TBC1D22A: variants seen among roughly 807,000 people sequenced by gnomAD.
TBC1D22A encodes TBC1 domain family member 22A, also known as putative GTPase activator.
A neutral mutation model predicts 60.2 loss-of-function variants in TBC1D22A; 38 were observed. That is an observed-to-expected ratio of 0.63 (90% CI 0.49 to 0.83). The LOEUF (loss-of-function observed/expected upper bound fraction) is 0.83. Among genes scored for constraint, TBC1D22A ranks in the 40% least tolerant of loss-of-function variants. TBC1D22A has a pLI of 0.00. For missense variants in TBC1D22A, 628 were observed against 701.0 expected (o/e 0.90, Z 1.18); for synonymous variants, 302 against 281.7 (o/e 1.07, Z -0.72).
chr22:46,818,010 G>A (rs2085675620), intron 4 of TBC1D22A, among the ~76,000 whole-genome samples: 1 of 152,218 alleles, frequency 6.6e-6, no homozygotes, highest in Non-Finnish European at 1.5e-5. Context: ...GATGATCAGT[G>A]ATGTTGAGCT....
intron 9 of TBC1D22A, among the ~76,000 whole-genome samples, chr22:46,985,170 G>A (rs1465616110): frequency 1.3e-5 from 2 of 152,210 alleles, no homozygotes; most frequent in Non-Finnish European, 2.9e-5. Context: ...GAGAGAAAGC[G>A]CACTCCAGCT....
intron 4 of TBC1D22A, among the ~76,000 whole-genome samples, chr22:46,808,893 C>T (rs1330605457): frequency 6.6e-6 from 1 of 152,224 alleles, no homozygotes; most frequent in African/African-American, 2.4e-5. Context: ...CGTGCCCGGC[C>T]TTCGCCAGCT....
Position 46,797,480 on chromosome 22 carries a change from A to G in TBC1D22A, c.497A>G (p.Gln166Arg). ...GATGCCGCCCCTCTGCAGAGGTCCC[A>G]GTCTCTCCCACACTCGGCCACCGTC... ...ASDAAPLQRS[Q>R]SLPHSATVTL... The change falls in exon 4 of 13, where the codon CAG becomes CGG. Residue 166 changes from glutamine to arginine, a missense_variant. Gln to Arg is a conservative substitution (Grantham distance 43). Transcript: ENST00000337137. 1.2e-6 allele frequency: 2 copies of G among 1,613,424 alleles called. No homozygotes were observed. The highest frequency in any genetic ancestry group is 1.7e-6 in the Non-Finnish European group (2 of 1,179,956).
chr22:46,956,756 G>C (rs757980878), intron 8 of TBC1D22A, among the ~76,000 whole-genome samples: 1 of 152,240 alleles, frequency 6.6e-6, no homozygotes, highest in East Asian at 1.9e-4. Flanking sequence ...TGAGATGGCC[G>C]AGGGGTGTGA....
intron 8 of TBC1D22A, among the ~76,000 whole-genome samples, chr22:46,919,042 A>C (rs985903875): frequency 1.3e-5 from 2 of 152,166 alleles, no homozygotes; most frequent in East Asian, 3.9e-4. Context: ...TAGAGTGTAA[A>C]GTTGAAAGAT....
chr22:47,112,524 C>A (rs776481779), intron 12 of TBC1D22A, among the ~76,000 whole-genome samples: 2 of 152,200 alleles, frequency 1.3e-5, no homozygotes, highest in Non-Finnish European at 2.9e-5. Flanking sequence ...TCCAAGCATC[C>A]CTATTCCTTC....
At chr22:47,161,135 C>G (rs1323703594) in intron 12 of TBC1D22A, among the ~76,000 whole-genome samples, 1 of 152,134 alleles carries the variant, frequency 6.6e-6, no homozygotes, top group African/African-American at 2.4e-5. Context: ...GGGAGCACTG[C>G]CAGGAGAAAC....
intron 4 of TBC1D22A, among the ~76,000 whole-genome samples, chr22:46,838,409 C>A (rs1220444401): frequency 6.6e-6 from 1 of 152,120 alleles, no homozygotes; most frequent in Non-Finnish European, 1.5e-5. Context: ...GAGATTGAAT[C>A]AGTAATCGGA....
chr22:47,094,087 G>T (rs899301872), intron 11 of TBC1D22A, among the ~76,000 whole-genome samples: 5 of 152,182 alleles, frequency 3.3e-5, no homozygotes, highest in African/African-American at 9.7e-5. Context: ...TAGCTGTCTG[G>T]ATGCTATAAG....
intron 4 of TBC1D22A, among the ~76,000 whole-genome samples, chr22:46,843,773 C>T (rs1478702813): frequency 6.6e-6 from 1 of 151,964 alleles, no homozygotes; most frequent in East Asian, 1.9e-4. Context: ...GTGAAGGAGG[C>T]CAAGCTTTTC....
intron 10 of TBC1D22A, among the ~76,000 whole-genome samples, chr22:47,031,851 TC>T (rs1183329526): frequency 3.3e-5 from 5 of 152,152 alleles, no homozygotes; most frequent in Non-Finnish European, 5.9e-5. Flanking sequence ...CTCCTTCTCC[TC>T]AAGTCAGCGT....
At chr22:46,855,182 G>C (rs1295912176) in intron 4 of TBC1D22A, among the ~76,000 whole-genome samples, 1 of 152,156 alleles carries the variant, frequency 6.6e-6, no homozygotes, top group Non-Finnish European at 1.5e-5. Context: ...GTTTATCCCT[G>C]CTGTCCTGGG....
chr22:47,021,232 A>G (rs2062075352), intron 10 of TBC1D22A, among the ~76,000 whole-genome samples: 1 of 143,542 alleles, frequency 7.0e-6, no homozygotes, highest in South Asian at 2.2e-4. Context: ...GCAGAACCCT[A>G]CCTGTAGCCT....
chr22:47,047,499 A>T (rs1045189155), intron 11 of TBC1D22A, among the ~76,000 whole-genome samples: 2 of 152,172 alleles, frequency 1.3e-5, no homozygotes, highest in Non-Finnish European at 2.9e-5. Context: ...GGTTGCTGGA[A>T]ATAGATGGAG....
chr22:46,890,032 C>T (rs1164315890), intron 5 of TBC1D22A, among the ~76,000 whole-genome samples: 1 of 152,142 alleles, frequency 6.6e-6, no homozygotes, highest in African/African-American at 2.4e-5. Flanking sequence ...GCAGATTCAA[C>T]CAACTGTGCT....
chr22:47,026,107 T>C (rs2062249274), intron 10 of TBC1D22A, among the ~76,000 whole-genome samples: 1 of 152,218 alleles, frequency 6.6e-6, no homozygotes, highest in Admixed American at 6.5e-5. Flanking sequence ...TATTAACATA[T>C]TTAAAAAGAA....
At chr22:46,822,147 A>G (rs2085857833) in intron 4 of TBC1D22A, among the ~76,000 whole-genome samples, 1 of 151,814 alleles carries the variant, frequency 6.6e-6, no homozygotes, top group Non-Finnish European at 1.5e-5. Flanking sequence ...CTCACCTTTT[A>G]TCAAGGTTCT....
intron 5 of TBC1D22A, among the ~76,000 whole-genome samples, chr22:46,878,998 C>T (rs1302848663): frequency 6.6e-6 from 1 of 151,992 alleles, no homozygotes; most frequent in Non-Finnish European, 1.5e-5. Context: ...ATGTTCCAGC[C>T]TGTGATATAG....
At position 46,941,640 on chromosome 22, in the gene TBC1D22A, A is replaced by G. The variant is rs371760348; in HGVS notation, c.1015+29452A>G. ...ATATATACGGAATATATATACGCGG[A>G]ATATATATACGGAATATATATACGC... On this transcript the variant is annotated intron_variant, in intron 8 of 12. Transcript: ENST00000337137. Among the ~76,000 whole-genome samples, 15 of 148,082 alleles carry G rather than the reference A, an allele frequency of 1.0e-4. No homozygotes were observed. The East Asian group carries it at 2.0e-3, about 19-fold the overall frequency.
Sources: gnomAD v4.1 joint callset for allele counts (sites outside exome capture counted in the v4.1 genomes callset) on GRCh38, gnomAD v4.1.1 for gene constraint, MANE v1.5 for transcripts, NCBI Gene and HGNC (gene_info 2026-07-23, HGNC 2026-07-21) for gene names.